The following EPC2 variants were observed in gnomAD, a reference collection of about 807,000 sequenced individuals.
EPC2 encodes enhancer of polycomb 2.
A neutral mutation model predicts 92.1 loss-of-function variants in EPC2; 14 were observed. That is an observed-to-expected ratio of 0.15 (90% CI 0.10 to 0.24). The LOEUF is 0.24. Ranked by LOEUF, EPC2 falls within the 10% of genes least tolerant of loss-of-function variation. The pLI is 1.00. For missense variants in EPC2, 755 were observed against 971.5 expected (o/e 0.78, Z 2.96); for synonymous variants, 340 against 334.7 (o/e 1.02, Z -0.17).
Position 148,754,071 on chromosome 2 carries a change from T to C in EPC2, c.604T>C (p.Ser202Pro), listed in dbSNP as rs778331224. 3.7e-6 allele frequency: 6 copies of C among 1,611,128 alleles called. No homozygotes were observed. Among genetic ancestry groups the C allele is most frequent in the Non-Finnish European group, 4.2e-6 (5 of 1,178,630 alleles). Residue 202 changes from serine (S) to proline (P), a missense_variant, in exon 4 of 14, where the codon TCT becomes CCT. Physicochemically the swap from Ser to Pro is moderately conservative, Grantham distance 74. Transcript: ENST00000258484. ...GATAAAACAAGAGAAAAGAGATGGC[T>C]CTACCAACAATGACCCTTATGTTGC... is the stretch of plus-strand genomic sequence containing the variant. Reference protein sequence around the residue: ...PQIKQEKRDGSTNNDPYVAFR... With the variant: ...PQIKQEKRDGPTNNDPYVAFR...
intron 7 of EPC2, among the ~76,000 whole-genome samples, chr2:148,766,499 A>G (rs969656858): frequency 1.5e-4 from 23 of 152,204 alleles, no homozygotes; most frequent in Admixed American, 9.8e-4. Flanking sequence ...AGGATCATCT[A>G]GTTTGACTCA....
At position 148,749,480 on chromosome 2, in the gene EPC2, T is replaced by G. The variant is rs1340475103; in HGVS notation, c.460-4447T>G. 3.1e-5 allele frequency among the ~76,000 whole-genome samples: 4 copies of G among 131,002 alleles called. No homozygotes were observed. The East Asian group carries it at 8.4e-4, about 28-fold the overall frequency. 85.9% of individuals were successfully genotyped at this position (131,002 alleles called of 152,430 possible). On this transcript the variant is annotated intron_variant, in intron 3 of 13. Transcript: ENST00000258484. The stretch of plus-strand genomic sequence containing the variant: ...CTCAATATAATAATCACATCATCGG[T>G]TTTTTTTTTTTTCATCATGCAGCAT...
At chr2:148,751,733 A>T (rs941335848) in intron 3 of EPC2, among the ~76,000 whole-genome samples, 3 of 152,134 alleles carry the variant, frequency 2.0e-5, no homozygotes, top group African/African-American at 7.2e-5. Flanking sequence ...TGTGTGACTG[A>T]TTTATCTACA....
In EPC2 at chr2:148,771,296, T is replaced by C; in HGVS notation, c.1629T>C (p.Cys543=). 3.1e-6 allele frequency: 5 copies of C among 1,613,980 alleles called. No individual in the cohort carries two copies. The highest frequency in any genetic ancestry group is 4.2e-6 in the Non-Finnish European group (5 of 1,179,870). ...TACAGGACAGTGATAGTGAAGAATG[T>C]ACCTCAAGAAAACCAGGGCAGACTG... ...LNLQDSDSEE[C]TSRKPGQTVN... The change falls in exon 10 of 14, where the codon TGT becomes TGC. Residue 543 remains cysteine, a synonymous_variant. Coordinates refer to ENST00000258484, the MANE Select transcript of EPC2 (RefSeq NM_015630.4).
chr2:148,668,798 A>G (rs1434535094), intron 1 of EPC2, among the ~76,000 whole-genome samples: 1 of 151,866 alleles, frequency 6.6e-6, no homozygotes, highest in African/African-American at 2.4e-5. Flanking sequence ...TAATCTGGCT[A>G]GAGGTTTATC....
At chr2:148,658,624 T>C (rs1187514724) in intron 1 of EPC2, among the ~76,000 whole-genome samples, 2 of 151,044 alleles carry the variant, frequency 1.3e-5, no homozygotes, top group Non-Finnish European at 2.9e-5. Flanking sequence ...TATATATATA[T>C]ATATATATGC....
intron 2 of EPC2, among the ~76,000 whole-genome samples, chr2:148,735,207 T>G (rs1472946487): frequency 6.6e-6 from 1 of 152,046 alleles, no homozygotes; most frequent in Admixed American, 6.5e-5. Flanking sequence ...AAGTACATGT[T>G]TAACTTTAGA....
At chr2:148,774,870 G>A (rs889164264) in intron 10 of EPC2, among the ~76,000 whole-genome samples, 4 of 151,250 alleles carry the variant, frequency 2.6e-5, no homozygotes, top group African/African-American at 7.3e-5. Flanking sequence ...GGCGGATCAC[G>A]AGGTCAGGAG....
At chr2:148,645,380 T>A (rs1683774574) in intron 1 of EPC2, 1 of 504,364 alleles carries the variant, frequency 2.0e-6, no homozygotes, top group African/African-American at 2.0e-5. Flanking sequence ...CCCAGTGTTG[T>A]GATTAGCTCG....
chr2:148,755,600 C>T (rs1683174781), intron 4 of EPC2, among the ~76,000 whole-genome samples: 1 of 152,014 alleles, frequency 6.6e-6, no homozygotes, highest in South Asian at 2.1e-4. Flanking sequence ...AAGTACTTAC[C>T]TTATGTTAGA....
intron 3 of EPC2, among the ~76,000 whole-genome samples, chr2:148,748,519 T>C (rs1179993910): frequency 1.3e-5 from 2 of 152,116 alleles, no homozygotes; most frequent in Non-Finnish European, 2.9e-5. Flanking sequence ...GTTACACAGG[T>C]TGAGTATACC....
intron 2 of EPC2, among the ~76,000 whole-genome samples, chr2:148,696,577 CAAAATATA>C (rs1681747972): frequency 2.6e-5 from 4 of 152,090 alleles, no homozygotes; most frequent in Admixed American, 1.3e-4. Context: ...GATGTGATTA[CAAAATATA>C]AAAGCAGTAT....
chr2:148,709,685 A>C (rs1682091377), intron 2 of EPC2, among the ~76,000 whole-genome samples: 1 of 152,214 alleles, frequency 6.6e-6, no homozygotes, highest in Admixed American at 6.5e-5. Context: ...CCTCAGAAAT[A>C]ATGCCACATA....
intron 2 of EPC2, among the ~76,000 whole-genome samples, chr2:148,708,701 A>G (rs772668552): frequency 3.9e-5 from 6 of 152,246 alleles, no homozygotes; most frequent in Non-Finnish European, 8.8e-5. Context: ...TATGCAAATC[A>G]ATAAACGTAA....
chr2:148,665,356 C>G (rs1264313907), intron 1 of EPC2, among the ~76,000 whole-genome samples: 1 of 152,082 alleles, frequency 6.6e-6, no homozygotes, highest in Non-Finnish European at 1.5e-5. Context: ...ATTTATTCAC[C>G]TACTGTTTGA....
At position 148,705,365 on chromosome 2, in the gene EPC2, C is replaced by A. The variant is rs1481737744; in HGVS notation, c.313+14992C>A. On this transcript the variant is annotated intron_variant, in intron 2 of 13. Coordinates refer to ENST00000258484, the MANE Select transcript of EPC2 (RefSeq NM_015630.4). ...ATGATAAGTTTTAGAATATAAAATTCACGGTTCCAAGATGGCTGAATAGGA... is the reference window on the plus strand; with the variant it reads ...ATGATAAGTTTTAGAATATAAAATTAACGGTTCCAAGATGGCTGAATAGGA... Among the ~76,000 whole-genome samples, 3 of 152,112 alleles carry A rather than the reference C, an allele frequency of 2.0e-5. No homozygotes were observed. In the South Asian group the frequency reaches 6.2e-4, roughly 32 times the overall value.
intron 1 of EPC2, among the ~76,000 whole-genome samples, chr2:148,681,317 G>A (rs1299504689): frequency 1.3e-5 from 2 of 152,122 alleles, no homozygotes; most frequent in African/African-American, 4.8e-5. Flanking sequence ...TTTAAATGTG[G>A]ACCAGAAGGG....
chr2:148,778,413 G>A (rs529163902), intron 10 of EPC2, among the ~76,000 whole-genome samples: 3 of 152,098 alleles, frequency 2.0e-5, no homozygotes, highest in Admixed American at 6.5e-5. Context: ...GTACTTTGAT[G>A]TGTGCCTCTT....
intron 1 of EPC2, among the ~76,000 whole-genome samples, chr2:148,677,548 C>T (rs1681293226): frequency 6.6e-6 from 1 of 152,164 alleles, no homozygotes; most frequent in Admixed American, 6.6e-5. Context: ...TGGTGGTACG[C>T]ACTTGTATTC....
Sources: gnomAD v4.1 joint callset for allele counts (sites outside exome capture counted in the v4.1 genomes callset) on GRCh38, gnomAD v4.1.1 for gene constraint, MANE v1.5 for transcripts, NCBI Gene and HGNC (gene_info 2026-07-23, HGNC 2026-07-21) for gene names.